Variants in PKD1 observed in about 807,000 individuals in gnomAD.
The protein encoded by PKD1 is polycystin-1.
Under a neutral mutation model 361.7 loss-of-function variants are expected in PKD1, and 81 were observed. The ratio of observed to expected loss-of-function variants is 0.22; its 90% CI spans 0.19 to 0.27. The LOEUF (loss-of-function observed/expected upper bound fraction) is 0.27. Ranked by LOEUF, PKD1 falls within the 10% of genes least tolerant of loss-of-function variation. PKD1 has a pLI of 1.00. For synonymous variants in PKD1, 3,615 were observed against 2,818.3 expected, an observed-to-expected ratio of 1.28 and a Z score of -8.95; for missense variants, 6,399 against 6,118.3, an observed-to-expected ratio of 1.05 and a Z score of -1.53.
At chr16:2,105,552 C>T (rs930483310) in intron 20 of PKD1, 78 bp from the exon 21 acceptor site, 13 of 1,594,712 alleles carry the variant, frequency 8.2e-6, no homozygotes, top group South Asian at 4.4e-5. Context: ...CCACGACTCC[C>T]GGGGTGCAGT....
chr16:2,116,750 C>T (rs2151820287), intron 7 of PKD1, 83 bp downstream of exon 7: 1 of 1,076,368 alleles, frequency 9.3e-7, no homozygotes, highest in East Asian at 2.6e-5. Flanking sequence ...GCCCCTCCTC[C>T]TCAGCCCAGG....
rs770968964 is a variant in PKD1 at position 2,110,411 on chromosome 16, C to T, written c.4756G>A (p.Asp1586Asn). 3 of 1,612,634 alleles carry T rather than the reference C, an allele frequency of 1.9e-6. No homozygotes were observed. The highest frequency in any genetic ancestry group is 8.5e-7 in the Non-Finnish European group (1 of 1,179,852). ...SDVRYSWVLC[D>N]RCTPIPGGPT... ...CCCCCAGGGATGGGCGTGCAGCGGT[C>T]ACAGAGCACCCAGGAATAGCGCACA... Residue 1586 changes from aspartate to asparagine, a missense_variant, in exon 15 of 46, where the codon GAC (aspartate) becomes AAC (asparagine). Transcript: ENST00000262304.
Position 2,105,877 on chromosome 16 carries a change from G to C in PKD1, c.7851C>G (p.Thr2617=), listed in dbSNP as rs754620450. 3 of 1,596,044 alleles carry C rather than the reference G, an allele frequency of 1.9e-6. No individual in the cohort carries two copies. The highest frequency in any genetic ancestry group is 1.7e-5 in the Admixed American group (1 of 59,984). ...HVIEYSLALV[T]VLNEYERALD... ...AGGCTGCACTCACCTCGTTCAGCAC[G>C]GTGACCAGGGCCAACGAGTACTCGA... Residue 2617 remains threonine, a synonymous_variant, in exon 20 of 46, where the codon ACC becomes ACG. Transcript: ENST00000262304.
rs148205707 is a variant in PKD1, at chr16:2,108,303, G to A, written c.6864C>T (p.Asp2288=). ...GGAAACTGAGCGGCGTCTGGTCGCC[G>A]TCCTCCAGGTTGGGGTCGTAGGACT... ...GSESYDPNLE[D]GDQTPLSFHW... Residue 2288 remains aspartate (D), a synonymous_variant, in exon 15 of 46, where the codon GAC becomes GAT. Transcript: ENST00000262304. The A allele has an allele frequency of 1.9e-4, 306 of 1,602,192 alleles. No homozygotes were observed. Among genetic ancestry groups the A allele is most frequent in the African/African-American group, 7.7e-4 (58 of 74,854 alleles).
rs1015753926 is a variant in PKD1 at position 2,096,808 on chromosome 16, C to T, written c.10499+340G>A. 6.4e-5 allele frequency: 23 copies of T among 359,290 alleles called. No homozygotes were observed. In the East Asian group the frequency reaches 8.6e-4, roughly 13 times the overall value. 22.3% of individuals were successfully genotyped at this position (359,290 alleles called of 1,614,324 possible). ...CTGGGATTACACGTGTGAGCCACCGCGCCCGGCCAAAAATGGGGTATTTAA... is the reference window on the plus strand; with the variant it reads ...CTGGGATTACACGTGTGAGCCACCGTGCCCGGCCAAAAATGGGGTATTTAA... On this transcript the variant is annotated intron_variant, in intron 34 of 45. Transcript: ENST00000262304.
At position 2,092,642 on chromosome 16, in the gene PKD1, C is replaced by T. The variant is rs557831055; in HGVS notation, c.11157-50G>A. On this transcript the variant is annotated intron_variant, in intron 38 of 45. Transcript: ENST00000262304. ...CCAGCCCCTACTGCCCCATGCCCGC[C>T]TCGAGTGAGCGGCCACCAGAGACCC... 42 of 1,305,472 alleles carry T rather than the reference C, an allele frequency of 3.2e-5. 1 individual carries two copies. The South Asian group carries it at 4.4e-4, about 14-fold the overall frequency. 80.9% of individuals were successfully genotyped at this position (1,305,472 alleles called of 1,614,324 possible).
intron 1 of PKD1, among the ~76,000 whole-genome samples, chr16:2,121,060 G>C (rs531086425): frequency 1.3e-5 from 2 of 151,826 alleles, no homozygotes; most frequent in East Asian, 3.9e-4. Context: ...GGAGGAGAGA[G>C]AGAAGAAAAG....
chr16:2,109,019 T>A lies in PKD1; in HGVS notation c.6148A>T (p.Asn2050Tyr), dbSNP rs1302127440. The A allele has an allele frequency of 9.3e-6, 15 of 1,610,230 alleles. No homozygotes were observed. Among genetic ancestry groups the A allele is most frequent in the Non-Finnish European group, 1.3e-5 (15 of 1,178,966 alleles). ...TGAACCTCCAGCACCAGCGTGCGGT[T>A]CTCACTGCCCAGGGCGTTGAAGGCG... ...VRAFNALGSE[N>Y]RTLVLEVQDA... Residue 2050 changes from asparagine (N) to tyrosine (Y), a missense_variant, in exon 15 of 46, where the codon AAC becomes TAC. By Grantham distance (143) the Asn-to-Tyr change is moderately radical. Transcript: ENST00000262304.
In PKD1 at chr16:2,103,450, C is replaced by T; in HGVS notation, c.8607G>A (p.Glu2869=). 6.3e-7 allele frequency: 1 copy of T among 1,599,640 alleles called. No individual in the cohort carries two copies. Among genetic ancestry groups the T allele is most frequent in the Non-Finnish European group, 8.5e-7 (1 of 1,179,588 alleles). Reference sequence around the variant, plus strand: ...TGGGCACCTTCACGGTGATGGCGCGCTCTGAGGCCAGCCGCTCGATGGGGA... The same window carrying T: ...TGGGCACCTTCACGGTGATGGCGCGTTCTGAGGCCAGCCGCTCGATGGGGA... ...AQIPIERLAS[E]RAITVKVPNN... is the part of the protein sequence containing the mutation. Residue 2869 remains glutamate (E), a synonymous_variant, in exon 23 of 46, where the codon GAG becomes GAA. Transcript: ENST00000262304.
chr16:2,113,120 C>T, intron 12 of PKD1, 41 bp downstream of exon 12: 1 of 549,048 alleles, frequency 1.8e-6, no homozygotes, highest in Non-Finnish European at 3.3e-6. Context: ...CCCCGCCCTG[C>T]CCCGCCCCAT....
chr16:2,099,901 T>G lies in PKD1; in HGVS notation c.9883A>C (p.Asn3295His). 2.6e-6 allele frequency: 4 copies of G among 1,567,562 alleles called. No homozygotes were observed. Among genetic ancestry groups the G allele is most frequent in the Non-Finnish European group, 2.6e-6 (3 of 1,157,734 alleles). The change falls in exon 29 of 46, where the codon AAC (asparagine) becomes CAC (histidine). Residue 3295 changes from asparagine to histidine, a missense_variant. Transcript: ENST00000262304. ...CCAACAGCCCCGTACCACACGGCGT[T>G]GGCGCCCAGGAAGAGGCAGATGAGG... The part of the protein sequence containing the change: ...VLLICLFLGA[N>H]AVWYGAVGDS...
chr16:2,111,776 C>T lies in PKD1; in HGVS notation c.3391G>A (p.Val1131Met). The change falls in exon 15 of 46, where the codon GTG (valine) becomes ATG (methionine). Residue 1131 changes from valine (V) to methionine (M), a missense_variant. Transcript: ENST00000262304. Reference protein sequence around the residue: ...SVRASLPSVAVGVSDGVLVAG... With the variant: ...SVRASLPSVAMGVSDGVLVAG... ...ACCAGGACGCCGTCACTCACACCCA[C>T]AGCCACGGAGGGCAGGGAGGCGCGC... 1 of 1,607,712 alleles carries T rather than the reference C, an allele frequency of 6.2e-7. No individual in the cohort carries two copies. Among genetic ancestry groups the T allele is most frequent in the South Asian group, 1.1e-5 (1 of 90,566 alleles).
At position 2,109,363 on chromosome 16, in the gene PKD1, C is replaced by A. The variant is rs770331568; in HGVS notation, c.5804G>T (p.Arg1935Leu). 4.4e-6 allele frequency: 7 copies of A among 1,591,516 alleles called. No individual in the cohort carries two copies. The African/African-American group carries it at 6.7e-5, about 15-fold the overall frequency. The change falls in exon 15 of 46, where the codon CGT (arginine) becomes CTT (leucine). Residue 1935 changes from arginine to leucine, a missense_variant. Arg to Leu is a moderately radical substitution (Grantham distance 102). Transcript: ENST00000262304. ...GANPEVLPGP[R>L]FSHSFPRVGD... is the part of the protein sequence containing the mutation. Reference sequence around the variant, plus strand: ...GACGCGGGGGAAGCTGTGGGAGAAACGGGGCCCGGGGAGCACCTCGGGGTT... The same window carrying A: ...GACGCGGGGGAAGCTGTGGGAGAAAAGGGGCCCGGGGAGCACCTCGGGGTT...
chr16:2,099,729 G>A lies in PKD1; in HGVS notation c.9965C>T (p.Thr3322Ile), dbSNP rs1350441991. ...VSRLSPLSVD[T>I]VAVGLVSSVV... ...GCTGGACACCAGGCCAACAGCGACT[G>A]TGTCGACGCTCAGCGGGCTCAGCCT... is the stretch of plus-strand genomic sequence containing the variant. Residue 3322 changes from threonine to isoleucine, a missense_variant, in exon 30 of 46, where the codon ACA becomes ATA. Transcript: ENST00000262304. 4.5e-6 allele frequency: 7 copies of A among 1,570,284 alleles called. No homozygotes were observed. The Admixed American group carries it at 9.0e-5, about 20-fold the overall frequency.
chr16:2,091,676 GGGGCTGTGGAAGCCGCCTA>G (rs1463075091), intron 41 of PKD1, 79 bp from the exon 42 acceptor site: 455 of 1,563,396 alleles, frequency 2.9e-4, no homozygotes, highest in Non-Finnish European at 3.8e-4. Context: ...GCGTGGCTGA[GGGGCTGTGGAAGCCGCCTA>G]GGCCAGCGGG....
chr16:2,121,494 G>T (rs1404723287), intron 1 of PKD1, among the ~76,000 whole-genome samples: 1 of 152,164 alleles, frequency 6.6e-6, no homozygotes. Flanking sequence ...ACAGCCGTAG[G>T]AAAAACATCC....
intron 32 of PKD1, 60 bp from the exon 33 acceptor site, chr16:2,097,563 C>G (rs1214388914): frequency 1.1e-5 from 18 of 1,604,700 alleles, no homozygotes; most frequent in Admixed American, 1.7e-5. Context: ...AGCCCACCCC[C>G]GTCCAGTCAC....
Position 2,107,034 on chromosome 16 carries a change from A to C in PKD1, c.7066-86T>G. 8 of 1,312,774 alleles carry C rather than the reference A, an allele frequency of 6.1e-6. No homozygotes were observed. The South Asian group carries it at 9.4e-5, about 16-fold the overall frequency. 81.3% of individuals were successfully genotyped at this position (1,312,774 alleles called of 1,614,324 possible). On this transcript the variant is annotated intron_variant, in intron 16 of 45. Transcript: ENST00000262304. ...GGACCCATGGAGGATGCTGCTCCCAAACTCCAGGTTTCCCAGGGGCCTGGC... is the reference window on the plus strand; with the variant it reads ...GGACCCATGGAGGATGCTGCTCCCACACTCCAGGTTTCCCAGGGGCCTGGC...
At chr16:2,126,421 G>T (rs558406533) in intron 1 of PKD1, among the ~76,000 whole-genome samples, 19 of 152,268 alleles carry the variant, frequency 1.2e-4, no homozygotes, top group African/African-American at 4.3e-4. Flanking sequence ...GAGCTGCAGG[G>T]AGAAAAGGAC....
Sources: gnomAD v4.1 joint callset for allele counts (sites outside exome capture counted in the v4.1 genomes callset) on GRCh38, gnomAD v4.1.1 for gene constraint, MANE v1.5 for transcripts, NCBI Gene and HGNC (gene_info 2026-07-23, HGNC 2026-07-21) for gene names.